PCMTD2: variants seen among roughly 807,000 people sequenced by gnomAD.
PCMTD2 encodes protein-L-isoaspartate (D-aspartate) O-methyltransferase domain containing 2.
A neutral mutation model predicts 33.4 loss-of-function variants in PCMTD2; 16 were observed. The observed-to-expected ratio is 0.48, with a 90% CI of 0.32 to 0.73. PCMTD2 has a LOEUF of 0.73. PCMTD2 is among the 30% of genes least tolerant of loss of function. The probability of loss-of-function intolerance (pLI) is 0.03; values close to 1 mark genes in which losing one functional copy is unlikely to be tolerated. For synonymous variants in PCMTD2, 161 were observed against 160.8 expected (o/e 1.00, Z -0.01); for missense variants, 374 against 449.9 (o/e 0.83, Z 1.53).
chr20:64,263,575 A>T (rs1056675347), intron 2 of PCMTD2, among the ~76,000 whole-genome samples: 1 of 152,226 alleles, frequency 6.6e-6, no homozygotes, highest in Non-Finnish European at 1.5e-5. Flanking sequence ...GTTGACGTGT[A>T]ACTTACCCAT....
At chr20:64,259,301 C>T (rs576582922) in intron 1 of PCMTD2, among the ~76,000 whole-genome samples, 12 of 151,982 alleles carry the variant, frequency 7.9e-5, no homozygotes, top group African/African-American at 2.7e-4. Context: ...GATTGCTTGA[C>T]TTGGGTGGGT....
rs1027071783 is a variant in PCMTD2 at position 64,274,896 on chromosome 20, A to G, written c.*1296A>G. 1.3e-5 allele frequency: 2 copies of G among 152,088 alleles called. No individual in the cohort carries two copies. The highest frequency in any genetic ancestry group is 6.5e-5 in the Admixed American group (1 of 15,280). 9.4% of individuals were successfully genotyped at this position (152,088 alleles called of 1,614,324 possible). On this transcript the variant is annotated 3_prime_UTR_variant, in exon 6 of 6. Transcript: ENST00000308824. The stretch of plus-strand genomic sequence containing the variant: ...GGTTCTTTTTAAAACATTTTTTTTT[A>G]CCCAAAGAAAAGAATAATAGAAATT...
At chr20:64,261,283 A>G (rs1484857162) in intron 2 of PCMTD2, among the ~76,000 whole-genome samples, 4 of 152,212 alleles carry the variant, frequency 2.6e-5, no homozygotes, top group Non-Finnish European at 5.9e-5. Context: ...AGCAGGGGCC[A>G]GGCTGCTGAG....
chr20:64,257,553 T>TA (rs1985219699), intron 1 of PCMTD2, among the ~76,000 whole-genome samples: 1 of 152,208 alleles, frequency 6.6e-6, no homozygotes, highest in African/African-American at 2.4e-5. Context: ...AGAGCTTTGT[T>TA]GTCGGTGTTT....
In PCMTD2 at chr20:64,259,103, C is replaced by G. The variant is rs76053222; in HGVS notation, c.-24-839C>G. 6.5e-3 allele frequency among the ~76,000 whole-genome samples: 984 copies of G among 152,298 alleles called. 14 individuals carry two copies. Among genetic ancestry groups the G allele is most frequent in the Non-Finnish European group, 9.3e-3 (634 of 68,022 alleles). On this transcript the variant is annotated intron_variant, in intron 1 of 5. Transcript: ENST00000308824. Reference sequence around the variant, plus strand: ...AGAGCTGGGAAAGCTGCGTATCATGCAATTGAGGAGGGGCTGTAGGAAGTT... The same window carrying G: ...AGAGCTGGGAAAGCTGCGTATCATGGAATTGAGGAGGGGCTGTAGGAAGTT...
In PCMTD2 at chr20:64,262,222, C is replaced by G. The variant is rs577058006; in HGVS notation, c.307+1950C>G. On this transcript the variant is annotated intron_variant, in intron 2 of 5. Transcript: ENST00000308824. ...TGAGCAGAGATGGTGCCACTGCACT[C>G]CAGTCTGGCTAACGGAGCCAGACTC... is the stretch of plus-strand genomic sequence containing the variant. Among the ~76,000 whole-genome samples, 12 of 151,882 alleles carry G rather than the reference C, an allele frequency of 7.9e-5. No individual in the cohort carries two copies. The East Asian group carries it at 2.1e-3, about 27-fold the overall frequency.
Position 64,264,427 on chromosome 20 carries a change from A to C in PCMTD2, c.308-2A>C. The C allele has an allele frequency of 6.7e-7, 1 of 1,496,548 alleles. No homozygotes were observed. Among genetic ancestry groups the C allele is most frequent in the African/African-American group, 1.4e-5 (1 of 72,842 alleles). The allele number at this position is 1,496,548 out of a possible 1,614,324, so 92.7% of individuals were successfully genotyped here. Reference sequence around the variant, plus strand: ...ATGTTTTCTTATTCTTAAACCTTTTAGGTCCTTTTGGTGTGAACCATGGGG... The same window carrying C: ...ATGTTTTCTTATTCTTAAACCTTTTCGGTCCTTTTGGTGTGAACCATGGGG... On this transcript the variant is annotated splice_acceptor_variant, in intron 2 of 5. Coordinates refer to ENST00000308824, the MANE Select transcript of PCMTD2 (RefSeq NM_018257.3). LOFTEE classifies it high-confidence loss of function.
intron 1 of PCMTD2, among the ~76,000 whole-genome samples, chr20:64,257,614 T>G (rs1280011294): frequency 6.6e-6 from 1 of 152,170 alleles, no homozygotes; most frequent in Non-Finnish European, 1.5e-5. Context: ...CGAGGGAGTG[T>G]TAGATTACCA....
In PCMTD2 at chr20:64,274,004, TAA is replaced by T. The variant is rs1986017904; in HGVS notation, c.*406_*407del. On this transcript the variant is annotated 3_prime_UTR_variant, in exon 6 of 6. Coordinates refer to ENST00000308824, the MANE Select transcript of PCMTD2 (RefSeq NM_018257.3). The stretch of plus-strand genomic sequence containing the variant: ...AGTGGAAACTAACCTGTGTTGCTTA[TAA>T]AGTGTGAAAGCACAAGCTTATAAAT... 1 of 161,276 alleles carries T rather than the reference TAA, an allele frequency of 6.2e-6. No homozygotes were observed. Among genetic ancestry groups the T allele is most frequent in the Admixed American group, 6.4e-5 (1 of 15,690 alleles). 10.0% of individuals were successfully genotyped at this position (161,276 alleles called of 1,614,324 possible). A position where few individuals can be genotyped will look rare whatever the true frequency, so the allele number is the denominator to read the frequency against.
At chr20:64,268,497 C>T (rs1016725865) in intron 5 of PCMTD2, among the ~76,000 whole-genome samples, 14 of 152,166 alleles carry the variant, frequency 9.2e-5, no homozygotes, top group Non-Finnish European at 1.6e-4. Flanking sequence ...CTTACACAGC[C>T]GAGCCTTTGT....
intron 4 of PCMTD2, among the ~76,000 whole-genome samples, chr20:64,266,638 C>T (rs1985672489): frequency 6.6e-6 from 1 of 152,212 alleles, no homozygotes; most frequent in Non-Finnish European, 1.5e-5. Context: ...ATTGCCTCAC[C>T]TCAGCCTCCA....
At chr20:64,257,570 ACAT>A (rs1238961549) in intron 1 of PCMTD2, among the ~76,000 whole-genome samples, 4 of 152,236 alleles carry the variant, frequency 2.6e-5, no homozygotes, top group African/African-American at 9.6e-5. Flanking sequence ...GTTTTTGGTG[ACAT>A]CATGACTGAT....
intron 2 of PCMTD2, 51 bp from the exon 3 acceptor site, chr20:64,264,378 C>A: frequency 1.1e-6 from 1 of 877,856 alleles, no homozygotes; most frequent in South Asian, 1.3e-5. Context: ...AACAGATGAG[C>A]AAGAGTTCTT....
chr20:64,261,481 C>G (rs981506088), intron 2 of PCMTD2, among the ~76,000 whole-genome samples: 7 of 152,008 alleles, frequency 4.6e-5, no homozygotes, highest in Admixed American at 4.6e-4. Flanking sequence ...AAGCCGAGGT[C>G]GGAGGATCGC....
chr20:64,257,926 A>G (rs1391155381), intron 1 of PCMTD2, among the ~76,000 whole-genome samples: 1 of 152,260 alleles, frequency 6.6e-6, no homozygotes, highest in Non-Finnish European at 1.5e-5. Context: ...AAATGAGGCC[A>G]TGACTGGCAG....
In PCMTD2 at chr20:64,273,941, A is replaced by C. The variant is rs1986015726; in HGVS notation, c.*341A>C. On this transcript the variant is annotated 3_prime_UTR_variant, in exon 6 of 6. Coordinates refer to ENST00000308824, the MANE Select transcript of PCMTD2 (RefSeq NM_018257.3). ...AGAGACTGTTTGATGACCGTCCCTC[A>C]TGCAACATGCACGGTACTCACTAAA... 1 of 202,112 alleles carries C rather than the reference A, an allele frequency of 4.9e-6. No homozygotes were observed. The highest frequency in any genetic ancestry group is 9.9e-6 in the Non-Finnish European group (1 of 100,944). The allele number at this position is 202,112 out of a possible 1,614,324, so 12.5% of individuals were successfully genotyped here.
At chr20:64,266,994 C>T (rs1331359469) in intron 4 of PCMTD2, among the ~76,000 whole-genome samples, 4 of 152,110 alleles carry the variant, frequency 2.6e-5, no homozygotes, top group Admixed American at 6.5e-5. Flanking sequence ...TTACTTAGTA[C>T]GTGGCGACTT....
chr20:64,262,061 T>C lies in PCMTD2; in HGVS notation c.307+1789T>C, dbSNP rs554200285. Among the ~76,000 whole-genome samples the C allele has an allele frequency of 2.0e-5, 3 of 152,264 alleles. No homozygotes were observed. The South Asian group carries it at 6.2e-4, about 32-fold the overall frequency. On this transcript the variant is annotated intron_variant, in intron 2 of 5. Coordinates refer to ENST00000308824, the MANE Select transcript of PCMTD2 (RefSeq NM_018257.3). The stretch of plus-strand genomic sequence containing the variant: ...TGAGGTCTGGAGTTCAAGACCAACC[T>C]GGCCAACGTGGTGAAACCCTGTCCC...
chr20:64,259,844 C>G (rs1985325243), intron 1 of PCMTD2, 98 bp from the exon 2 acceptor site: 1 of 623,114 alleles, frequency 1.6e-6, no homozygotes, highest in East Asian at 2.7e-5. Context: ...CTATTATTTT[C>G]AGAATTCAGA....
Sources: gnomAD v4.1 joint callset for allele counts (sites outside exome capture counted in the v4.1 genomes callset) on GRCh38, gnomAD v4.1.1 for gene constraint, MANE v1.5 for transcripts, NCBI Gene and HGNC (gene_info 2026-07-23, HGNC 2026-07-21) for gene names.